The following TSPAN18 variants were observed in gnomAD, a reference collection of about 807,000 sequenced individuals.
TSPAN18 encodes the protein tetraspanin 18, also known as tetraspanin-18.
A neutral mutation model predicts 27.3 loss-of-function variants in TSPAN18; 14 were observed. The observed-to-expected ratio is 0.51, with a 90% confidence interval of 0.34 to 0.80. The LOEUF (loss-of-function observed/expected upper bound fraction) is 0.80. Ranked by LOEUF, TSPAN18 falls within the 30% of genes least tolerant of loss-of-function variation. The probability of loss-of-function intolerance (pLI) is 0.01; values close to 1 mark genes in which losing one functional copy is unlikely to be tolerated. For synonymous variants in TSPAN18, 143 were observed against 136.5 expected (o/e 1.05, Z -0.33); for missense variants, 268 against 323.9 (o/e 0.83, Z 1.32).
intron 2 of TSPAN18, among the ~76,000 whole-genome samples, chr11:44,784,462 G>A (rs1277598977): frequency 6.6e-6 from 1 of 152,168 alleles, no homozygotes; most frequent in Non-Finnish European, 1.5e-5. Flanking sequence ...TGTTGAGAAT[G>A]TATTCAGGCA....
chr11:44,922,489 G>T (rs1384026965), intron 8 of TSPAN18, among the ~76,000 whole-genome samples: 1 of 152,182 alleles, frequency 6.6e-6, no homozygotes, highest in Admixed American at 6.5e-5. Flanking sequence ...CACTGTGGGG[G>T]TTGGGGTGGG....
At chr11:44,748,784 G>A (rs146719187) in intron 1 of TSPAN18, among the ~76,000 whole-genome samples, 100 of 152,286 alleles carry the variant, frequency 6.6e-4, no homozygotes, top group African/African-American at 2.4e-3. Context: ...TGGGGGAGGG[G>A]CGGCGGAAAT....
At chr11:44,756,440 T>C (rs1855335549) in intron 1 of TSPAN18, among the ~76,000 whole-genome samples, 1 of 152,192 alleles carries the variant, frequency 6.6e-6, no homozygotes, top group Non-Finnish European at 1.5e-5. Context: ...CTCGGCCATT[T>C]TTAAGTACAC....
At chr11:44,843,751 G>A (rs1341046731) in intron 2 of TSPAN18, among the ~76,000 whole-genome samples, 1 of 152,182 alleles carries the variant, frequency 6.6e-6, no homozygotes, top group Non-Finnish European at 1.5e-5. Context: ...AGAATTCAGC[G>A]ATATTTCTCC....
intron 1 of TSPAN18, among the ~76,000 whole-genome samples, chr11:44,743,290 T>G (rs896144815): frequency 1.3e-5 from 2 of 152,154 alleles, no homozygotes; most frequent in African/African-American, 4.8e-5. Context: ...AGGCAGAGCA[T>G]GACAATGTCT....
intron 1 of TSPAN18, among the ~76,000 whole-genome samples, chr11:44,737,334 G>A (rs896906366): frequency 1.3e-5 from 2 of 152,168 alleles, no homozygotes; most frequent in Admixed American, 6.5e-5. Context: ...TGTGGTCACC[G>A]CAGGAAGCAG....
intron 1 of TSPAN18, among the ~76,000 whole-genome samples, chr11:44,731,629 T>TGA (rs1192833022): frequency 0.17 from 10,534 of 61,516 alleles, 937 homozygotes; most frequent in East Asian, 0.53. Context: ...TGTGTGTGTG[T>TGA]GTGTGAGAGA....
intron 3 of TSPAN18, among the ~76,000 whole-genome samples, chr11:44,898,509 T>C (rs1006075548): frequency 6.6e-6 from 1 of 152,280 alleles, no homozygotes; most frequent in African/African-American, 2.4e-5. Flanking sequence ...TCTGTTGCTA[T>C]GACTGAACAC....
intron 2 of TSPAN18, among the ~76,000 whole-genome samples, chr11:44,833,862 T>G (rs1857207417): frequency 6.6e-6 from 1 of 152,026 alleles, no homozygotes; most frequent in African/African-American, 2.4e-5. Context: ...CCTCCCCATC[T>G]AATCACTTGC....
At chr11:44,784,508 GACTCCGTGCTCTA>G (rs2134961832) in intron 2 of TSPAN18, among the ~76,000 whole-genome samples, 1 of 152,304 alleles carries the variant, frequency 6.6e-6, no homozygotes, top group African/African-American at 2.4e-5. Context: ...AACTGGGTTG[GACTCCGTGCTCTA>G]ACCGCTCTGG....
intron 2 of TSPAN18, among the ~76,000 whole-genome samples, chr11:44,810,190 A>C (rs1053322194): frequency 7.9e-5 from 12 of 152,242 alleles, no homozygotes; most frequent in Admixed American, 1.3e-4. Context: ...TGTGCAATTC[A>C]GTGGCATTCA....
At chr11:44,834,819 G>A (rs1857231142) in intron 2 of TSPAN18, among the ~76,000 whole-genome samples, 1 of 152,182 alleles carries the variant, frequency 6.6e-6, no homozygotes, top group Admixed American at 6.5e-5. Context: ...ACCAAGGCAA[G>A]CATTTGTGAA....
At chr11:44,790,922 C>T (rs534577671) in intron 2 of TSPAN18, among the ~76,000 whole-genome samples, 2 of 152,242 alleles carry the variant, frequency 1.3e-5, no homozygotes, top group East Asian at 1.9e-4. Context: ...TTGTGGATCC[C>T]CTCAGGAGAT....
intron 3 of TSPAN18, among the ~76,000 whole-genome samples, chr11:44,892,244 G>C (rs780404776): frequency 1.3e-5 from 2 of 152,180 alleles, no homozygotes; most frequent in Non-Finnish European, 2.9e-5. Context: ...TGGCTGCCAG[G>C]CACCTTTCCT....
chr11:44,737,733 C>G (rs374573949), intron 1 of TSPAN18, among the ~76,000 whole-genome samples: 7 of 152,100 alleles, frequency 4.6e-5, no homozygotes, highest in African/African-American at 1.7e-4. Context: ...CTGCCCCCTC[C>G]CCACGCAAGC....
chr11:44,878,956 T>C (rs1307656325), intron 3 of TSPAN18, among the ~76,000 whole-genome samples: 1 of 152,156 alleles, frequency 6.6e-6, no homozygotes, highest in Non-Finnish European at 1.5e-5. Flanking sequence ...AGCAGCACGA[T>C]GGAAATGCTA....
chr11:44,774,312 C>G (rs1176577677), intron 2 of TSPAN18, among the ~76,000 whole-genome samples: 6 of 152,324 alleles, frequency 3.9e-5, no homozygotes, highest in African/African-American at 1.2e-4. Context: ...TGCTTTCTGT[C>G]CCTGGGGGAA....
At chr11:44,742,411 T>G (rs1854965854) in intron 1 of TSPAN18, among the ~76,000 whole-genome samples, 1 of 149,866 alleles carries the variant, frequency 6.7e-6, no homozygotes, top group Non-Finnish European at 1.5e-5. Flanking sequence ...CTTCCCTCCC[T>G]TCCTTCCTCC....
intron 1 of TSPAN18, among the ~76,000 whole-genome samples, chr11:44,732,919 C>T (rs968766104): frequency 1.3e-5 from 2 of 152,172 alleles, no homozygotes; most frequent in Admixed American, 6.5e-5. Flanking sequence ...GTCTCTGTTC[C>T]ACACGGTCAC....
Sources: allele counts gnomAD v4.1 joint callset (sites outside exome capture counted in the v4.1 genomes callset), GRCh38; gene constraint gnomAD v4.1.1; transcripts MANE v1.5; gene names NCBI Gene and HGNC (gene_info 2026-07-23, HGNC 2026-07-21).